The following MRTFB variants were observed in gnomAD, a reference collection of about 807,000 sequenced individuals.
The protein encoded by MRTFB is myocardin-related transcription factor B.
Under a neutral mutation model 104.2 loss-of-function variants are expected in MRTFB, and 29 were observed. The ratio of observed to expected loss-of-function variants is 0.28; its 90% CI spans 0.21 to 0.38. MRTFB has a LOEUF of 0.38. Ranked by LOEUF, MRTFB falls within the 10% of genes least tolerant of loss-of-function variation. MRTFB has a pLI of 1.00. For missense variants in MRTFB, 1,270 were observed against 1,341.6 expected (o/e 0.95, Z 0.83); for synonymous variants, 535 against 519.5 (o/e 1.03, Z -0.41).
At chr16:14,219,641 G>A (rs1204433588) in intron 8 of MRTFB, among the ~76,000 whole-genome samples, 1 of 152,214 alleles carries the variant, frequency 6.6e-6, no homozygotes, top group Non-Finnish European at 1.5e-5. Context: ...GTTCACAGAA[G>A]TATGGAAGTT....
chr16:14,229,267 T>C (rs150449644), intron 8 of MRTFB, among the ~76,000 whole-genome samples: 122 of 152,316 alleles, frequency 8.0e-4, no homozygotes, highest in South Asian at 6.2e-3. Context: ...TGCTAGGTGA[T>C]ACATTTTAAC....
chr16:14,133,804 A>G (rs1288910785), intron 2 of MRTFB, among the ~76,000 whole-genome samples: 1 of 152,230 alleles, frequency 6.6e-6, no homozygotes, highest in East Asian at 1.9e-4. Context: ...TATGGAAATC[A>G]TCCTTGCTTA....
chr16:14,219,466 T>G (rs1027144148), intron 8 of MRTFB, among the ~76,000 whole-genome samples: 2 of 152,240 alleles, frequency 1.3e-5, no homozygotes, highest in African/African-American at 4.8e-5. Flanking sequence ...TTTGCCTTAC[T>G]GAAATTTTAA....
At chr16:14,237,825 G>A (rs1013907605) in intron 9 of MRTFB, among the ~76,000 whole-genome samples, 1 of 152,200 alleles carries the variant, frequency 6.6e-6, no homozygotes, top group African/African-American at 2.4e-5. Context: ...TCAGTTGACA[G>A]TGAGGATGGG....
chr16:14,226,875 C>G (rs1403993083), intron 8 of MRTFB, among the ~76,000 whole-genome samples: 3 of 151,656 alleles, frequency 2.0e-5, no homozygotes, highest in African/African-American at 7.3e-5. Flanking sequence ...CTAGCTACTC[C>G]AGAAGCTGAG....
upstream of MRTFB, among the ~76,000 whole-genome samples, chr16:14,069,689 C>T (rs2033580939): frequency 6.6e-6 from 1 of 152,070 alleles, no homozygotes; most frequent in Non-Finnish European, 1.5e-5. Context: ...ACTGTGTTAC[C>T]CAGGCTGGTC....
At position 14,247,003 on chromosome 16, in the gene MRTFB, C is replaced by A; in HGVS notation, c.1743C>A (p.Ile581=). 3 of 1,614,130 alleles carry A rather than the reference C, an allele frequency of 1.9e-6. No individual in the cohort carries two copies. Among genetic ancestry groups the A allele is most frequent in the Non-Finnish European group, 2.5e-6 (3 of 1,180,042 alleles). Residue 581 remains isoleucine, a synonymous_variant, in exon 12 of 17, where the codon ATC becomes ATA. Coordinates refer to ENST00000571589, the MANE Select transcript of MRTFB (RefSeq NM_001308142.2). ...DRKLQEKEKQ[I]EELKRKLEQE... ...AGCTTCAGGAGAAAGAGAAGCAAAT[C>A]GAAGAGCTGAAGAGGAAACTGGAAC...
intron 2 of MRTFB, among the ~76,000 whole-genome samples, chr16:14,117,612 T>G (rs1207489845): frequency 6.6e-6 from 1 of 152,242 alleles, no homozygotes; most frequent in Admixed American, 6.5e-5. Flanking sequence ...ATTTAAAATA[T>G]AATTTATAGA....
At chr16:14,191,923 CAATT>C (rs1244012665) in intron 3 of MRTFB, 6 of 152,046 alleles carry the variant, frequency 3.9e-5, no homozygotes, top group African/African-American at 1.4e-4. Context: ...ATAAAATAGA[CAATT>C]AAAATAAATG....
At chr16:14,082,476 T>G (rs1197220147) in intron 2 of MRTFB, among the ~76,000 whole-genome samples, 1 of 152,214 alleles carries the variant, frequency 6.6e-6, no homozygotes, top group Non-Finnish European at 1.5e-5. Flanking sequence ...TAGTGTGATA[T>G]CTCCAACTTT....
At chr16:14,033,819 G>C in the MRTFB span, among the ~76,000 whole-genome samples, 10 of 131,496 alleles carry the variant, frequency 7.6e-5, no homozygotes, top group African/African-American at 2.2e-4. Context: ...CTGGGCGACA[G>C]AGTGAGACTC....
In MRTFB at chr16:14,181,273, C is replaced by T. The variant is rs145264229; in HGVS notation, c.155-28970C>T. Among the ~76,000 whole-genome samples the T allele has an allele frequency of 9.6e-3, 1,457 of 151,916 alleles. 13 individuals are homozygous for T. The highest frequency in any genetic ancestry group is 0.013 in the Non-Finnish European group (875 of 67,952). On this transcript the variant is annotated intron_variant, in intron 3 of 16. Coordinates refer to ENST00000571589, the MANE Select transcript of MRTFB (RefSeq NM_001308142.2). ...AACAGTCTAAAGGTATAGTATTTTA[C>T]GGTGGTGTTTATAATGTTAAAAGCG...
intron 3 of MRTFB, among the ~76,000 whole-genome samples, chr16:14,159,292 A>C (rs1478190278): frequency 6.6e-6 from 1 of 152,196 alleles, no homozygotes; most frequent in African/African-American, 2.4e-5. Context: ...GCTGTAGTCA[A>C]TTTTGTGTGT....
At position 14,140,605 on chromosome 16, in the gene MRTFB, C is replaced by T; in HGVS notation, c.-2C>T. 1 of 1,614,078 alleles carries T rather than the reference C, an allele frequency of 6.2e-7. No homozygotes were observed. The highest frequency in any genetic ancestry group is 1.1e-5 in the South Asian group (1 of 91,070). ...CTCCCTGTTGCCAGTGGCTGGAACA[C>T]AATGGATCACACAGGGGCGATAGAC... On this transcript the variant is annotated 5_prime_UTR_variant, in exon 3 of 17. Transcript: ENST00000571589.
At chr16:14,091,994 CAAAAAAAAA>C (rs10523985) in intron 2 of MRTFB, among the ~76,000 whole-genome samples, 1 of 82,072 alleles carries the variant, frequency 1.2e-5, no homozygotes, top group Non-Finnish European at 2.8e-5. Context: ...GACTTCATCT[CAAAAAAAAA>C]AAAAAAAAAA....
At chr16:14,034,466 T>C in the MRTFB span, among the ~76,000 whole-genome samples, 1 of 151,992 alleles carries the variant, frequency 6.6e-6, no homozygotes, top group Non-Finnish European at 1.5e-5. Flanking sequence ...ATACAAAAAT[T>C]AGCCAGGCGT....
chr16:14,077,119 T>C (rs2034110695), intron 1 of MRTFB, among the ~76,000 whole-genome samples: 1 of 152,224 alleles, frequency 6.6e-6, no homozygotes, highest in Admixed American at 6.5e-5. Context: ...AAATATGGCT[T>C]TCTTTACATT....
the MRTFB span, among the ~76,000 whole-genome samples, chr16:14,049,778 G>A: frequency 2.0e-5 from 3 of 152,200 alleles, no homozygotes; most frequent in Admixed American, 2.0e-4. Context: ...TTGTTGCCAG[G>A]CTGGAGTGCA....
the MRTFB span, among the ~76,000 whole-genome samples, chr16:14,002,653 C>T: frequency 6.6e-6 from 1 of 152,302 alleles, no homozygotes; most frequent in South Asian, 2.1e-4. Context: ...CACAAAGACA[C>T]TCTTGAAGCT....
Sources: gnomAD v4.1 joint callset for allele counts (sites outside exome capture counted in the v4.1 genomes callset) on GRCh38, gnomAD v4.1.1 for gene constraint, MANE v1.5 for transcripts, NCBI Gene and HGNC (gene_info 2026-07-23, HGNC 2026-07-21) for gene names.